Variants in PADI1 observed in about 807,000 individuals in gnomAD.
The protein encoded by PADI1 is protein-arginine deiminase type-1.
PADI1 carries 65 observed loss-of-function variants against 74.8 expected under a neutral mutation model. The ratio of observed to expected loss-of-function variants is 0.87; its 90% CI spans 0.71 to 1.07. The LOEUF is 1.07. Ranked by LOEUF, PADI1 falls within the 50% of genes least tolerant of loss-of-function variation. The probability of loss-of-function intolerance (pLI) is 0.00; values close to 1 mark genes in which losing one functional copy is unlikely to be tolerated. For missense variants in PADI1, 943 were observed against 854.0 expected (o/e 1.10, Z -1.30); for synonymous variants, 371 against 336.2 (o/e 1.10, Z -1.13).
Position 17,238,631 on chromosome 1 carries a change from C to T in PADI1, c.1474C>T (p.Leu492=). ...TSDQKGFRLL[L]ASPSACLKLF... The stretch of plus-strand genomic sequence containing the variant: ...TCCGTGCCAGGGCTTCCGGCTGCTC[C>T]TGGCTAGCCCCAGCGCTTGCCTCAA... Residue 492 remains leucine, a synonymous_variant, in exon 13 of 16, where the codon CTG becomes TTG. Transcript: ENST00000375471. 1 of 1,525,852 alleles carries T rather than the reference C, an allele frequency of 6.6e-7. No homozygotes were observed. The highest frequency in any genetic ancestry group is 8.9e-7 in the Non-Finnish European group (1 of 1,128,108). The allele number at this position is 1,525,852 out of a possible 1,614,324, so 94.5% of individuals were successfully genotyped here.
At chr1:17,228,244 C>A (rs1479773364) in intron 6 of PADI1, among the ~76,000 whole-genome samples, 3 of 152,200 alleles carry the variant, frequency 2.0e-5, no homozygotes, top group Non-Finnish European at 4.4e-5. Context: ...TCCCAAAGTG[C>A]TGGGATTATA....
At chr1:17,241,039 G>T (rs976872794) in intron 15 of PADI1, among the ~76,000 whole-genome samples, 1 of 152,096 alleles carries the variant, frequency 6.6e-6, no homozygotes, top group Non-Finnish European at 1.5e-5. Flanking sequence ...AGGATGCCCC[G>T]CCACAAAGCA....
At chr1:17,236,649 G>A (rs1397322174) in intron 11 of PADI1, among the ~76,000 whole-genome samples, 1 of 152,146 alleles carries the variant, frequency 6.6e-6, no homozygotes, top group African/African-American at 2.4e-5. Flanking sequence ...AGCTACTCAG[G>A]AGGCTGAGGT....
intron 9 of PADI1, among the ~76,000 whole-genome samples, 177 bp downstream of exon 9, chr1:17,230,385 C>T (rs1430639925): frequency 1.3e-5 from 2 of 152,194 alleles, no homozygotes; most frequent in Non-Finnish European, 2.9e-5. Flanking sequence ...TCCCTCCAAA[C>T]GCTCTGGTCC....
Position 17,244,516 on chromosome 1 carries a change from T to C in PADI1, c.*273T>C. 2 of 549,010 alleles carry C rather than the reference T, an allele frequency of 3.6e-6. No individual in the cohort carries two copies. Among genetic ancestry groups the C allele is most frequent in the Non-Finnish European group, 7.0e-6 (2 of 287,192 alleles). The allele number at this position is 549,010 out of a possible 1,614,324, so 34.0% of individuals were successfully genotyped here. On this transcript the variant is annotated 3_prime_UTR_variant, in exon 16 of 16. Transcript: ENST00000375471. ...GCTCTAGATCAACAATGTTAGCATG[T>C]TCCAGAATGGCTGTGGGAGGCCTAG...
rs748789183 is a variant in PADI1 at position 17,244,261 on chromosome 1, A to G, written c.*18A>G. ...TGCCCTGAGCCTGCCCCCACCCGCC[A>G]TCCTCTCTGCCCTCTTGCTAGGGAA... is the stretch of plus-strand genomic sequence containing the variant. On this transcript the variant is annotated 3_prime_UTR_variant, in exon 16 of 16. Transcript: ENST00000375471. 6.3e-6 allele frequency: 10 copies of G among 1,580,392 alleles called. No homozygotes were observed. In the South Asian group the frequency reaches 8.9e-5, roughly 14 times the overall value.
At chr1:17,237,106 C>A (rs2072661817) in intron 11 of PADI1, among the ~76,000 whole-genome samples, 1 of 152,204 alleles carries the variant, frequency 6.6e-6, no homozygotes, top group Non-Finnish European at 1.5e-5. Context: ...CTGCGAGGAC[C>A]CTAAGGACAG....
rs775143513 is a variant in PADI1, at chr1:17,238,727, G to C, written c.1552+18G>C. On this transcript the variant is annotated intron_variant, in intron 13 of 15. Coordinates refer to ENST00000375471, the MANE Select transcript of PADI1 (RefSeq NM_013358.3). ...GTTTGATGGTGAGTGCCAATGACCC[G>C]GTCACCCCTGGGGGACCCTGCCCTT... 2 of 1,368,110 alleles carry C rather than the reference G, an allele frequency of 1.5e-6. No individual in the cohort carries two copies. Among genetic ancestry groups the C allele is most frequent in the Non-Finnish European group, 2.0e-6 (2 of 1,011,412 alleles). The allele number at this position is 1,368,110 out of a possible 1,614,324, so 84.7% of individuals were successfully genotyped here.
In PADI1 at chr1:17,240,738, C is replaced by G; in HGVS notation, c.1736C>G (p.Ala579Gly). 1 of 1,613,988 alleles carries G rather than the reference C, an allele frequency of 6.2e-7. No homozygotes were observed. The highest frequency in any genetic ancestry group is 8.5e-7 in the Non-Finnish European group (1 of 1,179,894). The stretch of plus-strand genomic sequence containing the variant: ...CTCTTCTTCCTGAAAAACTTCTACG[C>G]GGAAGCCTTCTTCCCAGACATGGTG... ...PQLFFLKNFY[A>G]EAFFPDMVNM... is the part of the protein sequence containing the mutation. The change falls in exon 15 of 16, where the codon GCG becomes GGG. Residue 579 changes from alanine to glycine, a missense_variant. Ala to Gly is a moderately conservative substitution (Grantham distance 60). Coordinates refer to ENST00000375471, the MANE Select transcript of PADI1 (RefSeq NM_013358.3).
rs1210586252 is a variant in PADI1, at chr1:17,245,294, C to T, written c.*1051C>T. The T allele has an allele frequency of 6.5e-6, 1 of 152,676 alleles. No homozygotes were observed. Among genetic ancestry groups the T allele is most frequent in the African/African-American group, 2.4e-5 (1 of 41,456 alleles). 9.5% of individuals were successfully genotyped at this position (152,676 alleles called of 1,614,324 possible). A position where few individuals can be genotyped will look rare whatever the true frequency, so the allele number is the denominator to read the frequency against. On this transcript the variant is annotated 3_prime_UTR_variant, in exon 16 of 16. Transcript: ENST00000375471. This position sits in a 1 kb window ranked among gnomAD's most constrained non-coding sequence, Gnocchi z 4.1. ...GGCTTGCCCGGTCTCTCTCAGCAAC[C>T]CAGGGACCCTGCACATAGCTTAGGT...
At position 17,244,467 on chromosome 1, in the gene PADI1, C is replaced by T; in HGVS notation, c.*224C>T. 1.6e-6 allele frequency: 1 copy of T among 644,850 alleles called. No homozygotes were observed. The allele number at this position is 644,850 out of a possible 1,614,324, so 39.9% of individuals were successfully genotyped here. ...AATGCACCTCATTCTTCCCTGGCCT[C>T]TTTCCCACCCACAGCCCCCAGAGGC... On this transcript the variant is annotated 3_prime_UTR_variant, in exon 16 of 16. Coordinates refer to ENST00000375471, the MANE Select transcript of PADI1 (RefSeq NM_013358.3).
In PADI1 at chr1:17,223,657, G is replaced by A. The variant is rs1449597673; in HGVS notation, c.310G>A (p.Ala104Thr). 35 of 1,614,026 alleles carry A rather than the reference G, an allele frequency of 2.2e-5. No individual in the cohort carries two copies. Among genetic ancestry groups the A allele is most frequent in the Non-Finnish European group, 2.8e-5 (33 of 1,180,020 alleles). Residue 104 changes from alanine (A) to threonine (T), a missense_variant, in exon 3 of 16, where the codon GCT becomes ACT. Coordinates refer to ENST00000375471, the MANE Select transcript of PADI1 (RefSeq NM_013358.3). ...CTACTTTGGGGAGCAGGAAGACCAA[G>A]CTCTGGGCCGCAGCGTGCTTTACCT... ...VSYFGEQEDQ[A>T]LGRSVLYLTG...
intron 1 of PADI1, among the ~76,000 whole-genome samples, chr1:17,214,923 A>G (rs1444229490): frequency 6.6e-6 from 1 of 152,234 alleles, no homozygotes. Flanking sequence ...TGGGTGCCAG[A>G]GAGAATAAGC....
intron 11 of PADI1, 115 bp downstream of exon 11, chr1:17,233,085 T>C: frequency 3.0e-6 from 3 of 988,918 alleles, no homozygotes; most frequent in Non-Finnish European, 4.3e-6. Context: ...CTTAACTTCC[T>C]GCGTGGAATC....
rs56874759 is a variant in PADI1, at chr1:17,209,223, C to T, written c.92+3914C>T. ...GGGAAAATTACAGGATTGACACTGA[C>T]ACTAATTTCCAGCGACCGACAGGCT... On this transcript the variant is annotated intron_variant, in intron 1 of 15. Transcript: ENST00000375471. Among the ~76,000 whole-genome samples, 1,094 of 152,298 alleles carry T rather than the reference C, an allele frequency of 7.2e-3. 12 individuals are homozygous for T. Among genetic ancestry groups the T allele is most frequent in the African/African-American group, 0.025 (1,020 of 41,560 alleles).
intron 1 of PADI1, among the ~76,000 whole-genome samples, chr1:17,214,881 CG>C (rs1294710372): frequency 2.6e-5 from 4 of 152,342 alleles, no homozygotes; most frequent in African/African-American, 9.6e-5. Context: ...TCAAAGGCAG[CG>C]CAGGGCTCAC....
chr1:17,219,796 C>A (rs1435140089), intron 1 of PADI1, among the ~76,000 whole-genome samples: 1 of 152,036 alleles, frequency 6.6e-6, no homozygotes, highest in Non-Finnish European at 1.5e-5. Flanking sequence ...CCCTTGCCCA[C>A]CTCCAGGCCC....
chr1:17,230,010 A>G, intron 8 of PADI1, 75 bp from the exon 9 acceptor site: 2 of 1,460,470 alleles, frequency 1.4e-6, no homozygotes, highest in Non-Finnish European at 1.9e-6. Context: ...AGGGCCCAGC[A>G]CAAACTGAAG....
At chr1:17,226,559 C>T (rs546412935) in intron 6 of PADI1, among the ~76,000 whole-genome samples, 122 of 152,266 alleles carry the variant, frequency 8.0e-4, no homozygotes, top group Middle Eastern at 3.4e-3. Context: ...GGCTGAGGCC[C>T]GGGCCCTGCC....
Sources: allele counts gnomAD v4.1 joint callset (sites outside exome capture counted in the v4.1 genomes callset), GRCh38; gene constraint gnomAD v4.1.1; non-coding constraint Gnocchi (gnomAD v3.1); transcripts MANE v1.5; gene names NCBI Gene and HGNC (gene_info 2026-07-23, HGNC 2026-07-21).